ADAMTS20: variants seen among roughly 807,000 people sequenced by gnomAD.
ADAMTS20 encodes the protein A disintegrin and metalloproteinase with thrombospondin motifs 20.
A neutral mutation model predicts 260.1 loss-of-function variants in ADAMTS20; 225 were observed. The ratio of observed to expected loss-of-function variants is 0.87; its 90% CI spans 0.78 to 0.97. The LOEUF is 0.97. Ranked by LOEUF, ADAMTS20 falls within the 50% of genes least tolerant of loss-of-function variation. ADAMTS20 has a pLI of 0.00. For synonymous variants in ADAMTS20, 802 were observed against 769.5 expected, an observed-to-expected ratio of 1.04 and a Z score of -0.70; for missense variants, 2,400 against 2,337.7, an observed-to-expected ratio of 1.03 and a Z score of -0.55.
chr12:43,416,808 C>T (rs1361231491), intron 28 of ADAMTS20, among the ~76,000 whole-genome samples: 2 of 152,162 alleles, frequency 1.3e-5, no homozygotes, highest in Non-Finnish European at 2.9e-5. Flanking sequence ...AGGCGTGAGC[C>T]ACCGCGCCCG....
intron 28 of ADAMTS20, chr12:43,423,753 A>T: frequency 1.4e-6 from 1 of 702,492 alleles, no homozygotes; most frequent in East Asian, 2.7e-5. Flanking sequence ...CTCCATAGGG[A>T]TAAGAAATAT....
In ADAMTS20 at chr12:43,373,408, AG is replaced by A. The variant is rs199580120; in HGVS notation, c.5446+1970del. ...ATATTTATAGAGCATGTACTCTATC[AG>A]GGATGTCTAATCTTTTGGCTTCCCT... On this transcript the variant is annotated intron_variant, in intron 36 of 38. Coordinates refer to ENST00000389420, the MANE Select transcript of ADAMTS20 (RefSeq NM_025003.5). Among the ~76,000 whole-genome samples, 17 of 152,368 alleles carry A rather than the reference AG, an allele frequency of 1.1e-4. No homozygotes were observed. The East Asian group carries it at 2.5e-3, about 22-fold the overall frequency.
intron 2 of ADAMTS20, among the ~76,000 whole-genome samples, chr12:43,538,383 A>C (rs929197384): frequency 1.8e-4 from 27 of 152,198 alleles, no homozygotes; most frequent in Admixed American, 9.2e-4. Context: ...TTTTCCTATA[A>C]AGTTGTTTGA....
intron 31 of ADAMTS20, among the ~76,000 whole-genome samples, chr12:43,378,975 CT>C (rs1462067195): frequency 6.6e-6 from 1 of 152,182 alleles, no homozygotes; most frequent in African/African-American, 2.4e-5. Flanking sequence ...GGTTTAACTT[CT>C]CCTATTTCCA....
intron 37 of ADAMTS20, among the ~76,000 whole-genome samples, chr12:43,362,951 C>T (rs1939905431): frequency 6.6e-6 from 1 of 151,974 alleles, no homozygotes; most frequent in African/African-American, 2.4e-5. Flanking sequence ...TGCAGCCCTG[C>T]TGACTGCTTG....
chr12:43,375,949 T>C (rs1940216092), intron 35 of ADAMTS20, 108 bp downstream of exon 35: 1 of 807,100 alleles, frequency 1.2e-6, no homozygotes, highest in Non-Finnish European at 1.9e-6. Flanking sequence ...TGCTCCTACA[T>C]TATTTGTCTC....
intron 2 of ADAMTS20, among the ~76,000 whole-genome samples, chr12:43,534,591 T>C (rs1261807258): frequency 6.6e-6 from 1 of 152,174 alleles, no homozygotes; most frequent in Non-Finnish European, 1.5e-5. Flanking sequence ...TGATAGAGTC[T>C]GTTTACATAA....
intron 15 of ADAMTS20, among the ~76,000 whole-genome samples, chr12:43,444,246 T>G (rs1468856509): frequency 2.6e-5 from 4 of 152,028 alleles, no homozygotes; most frequent in Admixed American, 1.3e-4. Context: ...GGGAAAAAAA[T>G]AGAAGATTTC....
At chr12:43,485,357 T>G (rs1592093261) in intron 7 of ADAMTS20, among the ~76,000 whole-genome samples, 1 of 151,990 alleles carries the variant, frequency 6.6e-6, no homozygotes, top group African/African-American at 2.4e-5. Flanking sequence ...AAAAAGAACT[T>G]GATAAAATCC....
intron 24 of ADAMTS20, among the ~76,000 whole-genome samples, chr12:43,429,024 CAAT>C (rs147426965): frequency 0.024 from 3,691 of 151,786 alleles, 73 homozygotes; most frequent in East Asian, 0.079. Flanking sequence ...ATAGTAATTT[CAAT>C]AATACATAAA....
chr12:43,469,734 G>A (rs187577403), intron 7 of ADAMTS20, among the ~76,000 whole-genome samples: 157 of 152,212 alleles, frequency 1.0e-3, no homozygotes, highest in African/African-American at 3.6e-3. Flanking sequence ...GCTCTTCCCT[G>A]CTATGTCATC....
At chr12:43,450,991 C>T (rs972456297) in intron 14 of ADAMTS20, among the ~76,000 whole-genome samples, 4 of 152,178 alleles carry the variant, frequency 2.6e-5, no homozygotes, top group Non-Finnish European at 5.9e-5. Flanking sequence ...ATGTTTATCA[C>T]AGCTCTATTC....
At chr12:43,393,274 A>T (rs912212718) in intron 29 of ADAMTS20, among the ~76,000 whole-genome samples, 2 of 152,026 alleles carry the variant, frequency 1.3e-5, no homozygotes, top group Non-Finnish European at 2.9e-5. Flanking sequence ...TCGTTTTTTT[A>T]AAAAATCCAG....
intron 7 of ADAMTS20, among the ~76,000 whole-genome samples, chr12:43,480,165 T>TG (rs1942419821): frequency 6.6e-6 from 1 of 152,048 alleles, no homozygotes; most frequent in Non-Finnish European, 1.5e-5. Flanking sequence ...CTTCTAGACT[T>TG]GGGGAAAAAA....
intron 28 of ADAMTS20, chr12:43,423,504 T>C (rs1941272685): frequency 5.6e-6 from 3 of 533,002 alleles, no homozygotes; most frequent in Non-Finnish European, 1.0e-5. Flanking sequence ...ACAAATGCCA[T>C]TACAATTCAA....
intron 20 of ADAMTS20, 28 bp downstream of exon 20, chr12:43,432,572 CT>C (rs1181105177): frequency 1.2e-6 from 2 of 1,608,208 alleles, no homozygotes; most frequent in African/African-American, 1.3e-5. Flanking sequence ...AAAGGGGCAA[CT>C]TTTTTTAAGC....
chr12:43,435,676 AATAAAAT>A, intron 18 of ADAMTS20, among the ~76,000 whole-genome samples: 3 of 127,848 alleles, frequency 2.3e-5, no homozygotes, highest in African/African-American at 8.5e-5. Context: ...TAAAAATAAA[AATAAAAT>A]AAAAAAAGTC....
chr12:43,456,359 C>T (rs1378886469), intron 11 of ADAMTS20, among the ~76,000 whole-genome samples: 1 of 152,088 alleles, frequency 6.6e-6, no homozygotes, highest in Admixed American at 6.5e-5. Context: ...TTTAAGAAAA[C>T]AATAGCAACA....
At chr12:43,361,841 A>C (rs1939874466) in intron 37 of ADAMTS20, among the ~76,000 whole-genome samples, 1 of 152,190 alleles carries the variant, frequency 6.6e-6, no homozygotes, top group Admixed American at 6.5e-5. Context: ...TCATTAATAA[A>C]ATAAAATAAA....
Sources: gnomAD v4.1 joint callset for allele counts (sites outside exome capture counted in the v4.1 genomes callset) on GRCh38, gnomAD v4.1.1 for gene constraint, MANE v1.5 for transcripts, NCBI Gene and HGNC (gene_info 2026-07-23, HGNC 2026-07-21) for gene names.